ASB11: variants seen among roughly 807,000 people sequenced by gnomAD.
The protein encoded by ASB11 is ankyrin repeat and SOCS box protein 11.
Under a neutral mutation model 20.1 loss-of-function variants are expected in ASB11, and 17 were observed. That is an observed-to-expected ratio of 0.85 (90% CI 0.58 to 1.27). ASB11 has a LOEUF of 1.27. Ranked by LOEUF, ASB11 falls within the 50% of genes most tolerant of loss-of-function variation. The pLI, the probability that ASB11 is intolerant of heterozygous loss-of-function variation, is 0.00. For missense variants in ASB11, 259 were observed against 256.9 expected, an observed-to-expected ratio of 1.01 and a Z score of -0.06; for synonymous variants, 107 against 105.6, an observed-to-expected ratio of 1.01 and a Z score of -0.08.
At chrX:15,294,253 T>A (rs1920951662) in intron 3 of ASB11, among the ~76,000 whole-genome samples, 1 of 111,412 alleles carries the variant, frequency 9.0e-6, no homozygotes, top group African/African-American at 3.3e-5. Context: ...CATTGAAATA[T>A]AGGACAGTCA....
At chrX:15,310,257 T>C (rs1341472142) in intron 1 of ASB11, among the ~76,000 whole-genome samples, 2 of 111,589 alleles carry the variant, frequency 1.8e-5, no homozygotes. Flanking sequence ...TTGGGAGTTT[T>C]TCCATTCCCT....
At chrX:15,313,453 G>A (rs1390933309) in intron 1 of ASB11, among the ~76,000 whole-genome samples, 1 of 102,283 alleles carries the variant, frequency 9.8e-6, no homozygotes, top group South Asian at 5.1e-4. Context: ...AAATTTGGGG[G>A]TGGGGGGATT....
Position 15,287,850 on chromosome X carries a change from G to C in ASB11, c.847+31C>G, listed in dbSNP as rs1171416450. 3 of 1,169,559 alleles carry C rather than the reference G, an allele frequency of 2.6e-6. No homozygotes were observed. In the South Asian group the frequency reaches 5.9e-5, roughly 23 times the overall value. Reference sequence around the variant, plus strand: ...AGGAAGGGGAGAGAATGTGCTTATGGAAGAGGAATGGATACCCAGCCCTTG... The same window carrying C: ...AGGAAGGGGAGAGAATGTGCTTATGCAAGAGGAATGGATACCCAGCCCTTG... On this transcript the variant is annotated intron_variant, in intron 6 of 6. Coordinates refer to ENST00000480796, the MANE Select transcript of ASB11 (RefSeq NM_080873.3).
In ASB11 at chrX:15,288,053, G is replaced by T; in HGVS notation, c.675C>A (p.Gly225=). 20 of 1,209,525 alleles carry T rather than the reference G, an allele frequency of 1.7e-5. No individual in the cohort carries two copies. The highest frequency in any genetic ancestry group is 2.1e-5 in the Non-Finnish European group (19 of 894,399). The change falls in exon 6 of 7, where the codon GGC becomes GGA. Residue 225 remains glycine (G), a synonymous_variant. Coordinates refer to ENST00000480796, the MANE Select transcript of ASB11 (RefSeq NM_080873.3). ...CATGGAGTGGGGTGTCCAGCCACTG[G>T]CCATGGTCGACACTGGCTCCTTAAC... ...LLELGASVDH[G]QWLDTPLHAA... is the part of the protein sequence containing the mutation.
chrX:15,306,184 TG>T (rs1473458837), intron 1 of ASB11, among the ~76,000 whole-genome samples: 1 of 112,314 alleles, frequency 8.9e-6, no homozygotes, highest in African/African-American at 3.2e-5. Context: ...GATGGGCATT[TG>T]GGTTGAGTCC....
rs190990156 is a variant in ASB11, at chrX:15,285,774, C to G, written c.847+2107G>C. On this transcript the variant is annotated intron_variant, in intron 6 of 6. Transcript: ENST00000480796. ...ATCCCTGCACTTTGGGAGGCTGAGG[C>G]GGGTGGATCACCTGAGGTCAGGAGT... 2.2e-3 allele frequency among the ~76,000 whole-genome samples: 244 copies of G among 110,147 alleles called. 2 individuals carry two copies. The highest frequency in any genetic ancestry group is 7.7e-3 in the African/African-American group (232 of 30,313).
intron 1 of ASB11, among the ~76,000 whole-genome samples, chrX:15,303,719 A>C (rs1248997752): frequency 9.0e-6 from 1 of 111,610 alleles, no homozygotes; most frequent in Non-Finnish European, 1.9e-5. Flanking sequence ...CTTGAACCCC[A>C]GTTTCCTTAC....
chrX:15,290,869 A>G (rs957278639), intron 4 of ASB11, among the ~76,000 whole-genome samples: 10 of 111,939 alleles, frequency 8.9e-5, no homozygotes, highest in African/African-American at 3.2e-4. Flanking sequence ...ATTATACCTG[A>G]ATTACAGCAT....
Position 15,289,698 on chromosome X carries a change from A to C in ASB11, c.521-60T>G, listed in dbSNP as rs1013344519. The stretch of plus-strand genomic sequence containing the variant: ...GGACATATTAAATATTAACAGAATT[A>C]TAGGATTGCTTATCTGAAATGGGCT... On this transcript the variant is annotated intron_variant, in intron 4 of 6. Coordinates refer to ENST00000480796, the MANE Select transcript of ASB11 (RefSeq NM_080873.3). The C allele has an allele frequency of 2.6e-6, 3 of 1,139,038 alleles. No homozygotes were observed. In the African/African-American group the frequency reaches 5.4e-5, roughly 20 times the overall value. 93.9% of individuals were successfully genotyped at this position (1,139,038 alleles called of 1,213,427 possible). A position where few individuals can be genotyped will look rare whatever the true frequency, so the allele number is the denominator to read the frequency against.
At chrX:15,313,486 CACACACATAT>C (rs1326596859) in intron 1 of ASB11, among the ~76,000 whole-genome samples, 1 of 110,923 alleles carries the variant, frequency 9.0e-6, no homozygotes, top group African/African-American at 3.3e-5. Context: ...TACACACACA[CACACACATAT>C]ACATATATAT....
At position 15,283,201 on chromosome X, in the gene ASB11, A is replaced by G. The variant is rs532564335; in HGVS notation, c.*304T>C. ...ATATTCAGAATGTTGACTTTTAGGT[A>G]CAAGAAGATCCCGAATCATCAAAAA... On this transcript the variant is annotated 3_prime_UTR_variant, in exon 7 of 7. Transcript: ENST00000480796. 43 of 183,428 alleles carry G rather than the reference A, an allele frequency of 2.3e-4. No homozygotes were observed. Among genetic ancestry groups the G allele is most frequent in the Middle Eastern group, 2.1e-3 (1 of 472 alleles). 15.1% of individuals were successfully genotyped at this position (183,428 alleles called of 1,213,427 possible).
chrX:15,305,572 A>C (rs2147700737), intron 1 of ASB11, among the ~76,000 whole-genome samples: 1 of 102,530 alleles, frequency 9.8e-6, no homozygotes, highest in African/African-American at 3.6e-5. Context: ...ATTATTTCCA[A>C]ACATTTTAAC....
intron 2 of ASB11, among the ~76,000 whole-genome samples, chrX:15,299,293 G>A (rs1367182242): frequency 1.8e-5 from 2 of 112,086 alleles, no homozygotes; most frequent in African/African-American, 3.2e-5. Context: ...AGGGAAACAT[G>A]AGACATCAAT....
intron 6 of ASB11, among the ~76,000 whole-genome samples, chrX:15,285,665 G>A (rs746319146): frequency 1.8e-5 from 2 of 111,315 alleles, no homozygotes; most frequent in South Asian, 7.7e-4. Context: ...AATTCTTCTG[G>A]TGAAGATTCA....
chrX:15,312,935 A>G (rs1198983751), intron 1 of ASB11, among the ~76,000 whole-genome samples: 4 of 111,938 alleles, frequency 3.6e-5, no homozygotes, highest in Non-Finnish European at 3.8e-5. Context: ...ATTAATATTT[A>G]AAGGACTGGG....
intron 4 of ASB11, chrX:15,292,033 G>GAAAAAAAAAAAAAAA (rs751118483): frequency 1.9e-5 from 1 of 52,093 alleles, no homozygotes. Context: ...AGACTCTGTC[G>GAAAAAAAAAAAAAAA]AAAAAAAAAA....
chrX:15,284,057 C>T (rs771506712), intron 6 of ASB11, among the ~76,000 whole-genome samples: 2 of 107,481 alleles, frequency 1.9e-5, no homozygotes, highest in East Asian at 3.0e-4. Flanking sequence ...TGGAGACCAT[C>T]CTGGCTAACA....
rs772448156 is a variant in ASB11, at chrX:15,283,465, A to G, written c.*40T>C. ...GGTACTCTAGGTACAGCAGACAACA[A>G]TCTGTGTCATTCCAAGTATCTTCCC... On this transcript the variant is annotated 3_prime_UTR_variant, in exon 7 of 7. Coordinates refer to ENST00000480796, the MANE Select transcript of ASB11 (RefSeq NM_080873.3). The G allele has an allele frequency of 1.7e-6, 2 of 1,204,576 alleles. No homozygotes were observed. Among genetic ancestry groups the G allele is most frequent in the South Asian group, 3.5e-5 (2 of 56,748 alleles).
At chrX:15,291,919 CA>C (rs1188283537) in intron 4 of ASB11, 1 of 105,728 alleles carries the variant, frequency 9.5e-6, no homozygotes, top group East Asian at 2.9e-4. Context: ...CCTGTAATCC[CA>C]GCTACTTGGG....
Sources: gnomAD v4.1 joint callset for allele counts (sites outside exome capture counted in the v4.1 genomes callset) on GRCh38, gnomAD v4.1.1 for gene constraint, MANE v1.5 for transcripts, NCBI Gene and HGNC (gene_info 2026-07-23, HGNC 2026-07-21) for gene names.